POFUT3: variants seen among roughly 807,000 people sequenced by gnomAD.
POFUT3 encodes GDP-fucose protein O-fucosyltransferase 3.
chr8:33,411,107 T>C, the POFUT3 span, among the ~76,000 whole-genome samples: 7 of 152,084 alleles, frequency 4.6e-5, no homozygotes, highest in Non-Finnish European at 8.8e-5. Context: ...TCAGGAAAAA[T>C]AATGGCACCA....
At chr8:33,470,412 C>A in the POFUT3 span, among the ~76,000 whole-genome samples, 1 of 151,886 alleles carries the variant, frequency 6.6e-6, no homozygotes, top group Non-Finnish European at 1.5e-5. Context: ...AGAGCTAGAC[C>A]CTGTCTCAAA....
At chr8:33,430,525 G>A in the POFUT3 span, among the ~76,000 whole-genome samples, 1 of 152,140 alleles carries the variant, frequency 6.6e-6, no homozygotes, top group African/African-American at 2.4e-5. Flanking sequence ...CCAATCACGT[G>A]TCAAAGACTT....
At chr8:33,372,360 T>C in the POFUT3 span, 24,004 of 1,327,216 alleles carry the variant, frequency 0.018, 719 homozygotes, top group East Asian at 0.12. Context: ...CCAGTGTCCA[T>C]AAGAAATATT....
chr8:33,469,447 C>T, the POFUT3 span, among the ~76,000 whole-genome samples: 3 of 152,140 alleles, frequency 2.0e-5, no homozygotes, highest in Admixed American at 6.6e-5. Context: ...GTGGGAAAGT[C>T]ATCCTCTTCA....
At chr8:33,317,336 G>A in the POFUT3 span, among the ~76,000 whole-genome samples, 1 of 152,018 alleles carries the variant, frequency 6.6e-6, no homozygotes, top group African/African-American at 2.4e-5. Flanking sequence ...GTTATTTTTT[G>A]TTCTAAATTT....
the POFUT3 span, among the ~76,000 whole-genome samples, chr8:33,449,365 C>T: frequency 7.1e-6 from 1 of 140,860 alleles, no homozygotes; most frequent in Non-Finnish European, 1.5e-5. Context: ...TCTTGGCTCA[C>T]TGCAACTTTC....
chr8:33,347,794 T>C, the POFUT3 span, among the ~76,000 whole-genome samples: 2 of 152,196 alleles, frequency 1.3e-5, no homozygotes, highest in African/African-American at 2.4e-5. Context: ...TTACAGACGA[T>C]GCAGGATTGA....
chr8:33,359,291 T>C, the POFUT3 span, among the ~76,000 whole-genome samples: 8 of 152,182 alleles, frequency 5.3e-5, no homozygotes, highest in Non-Finnish European at 1.0e-4. Flanking sequence ...GAAAATGGGT[T>C]TTGTAAGGTG....
chr8:33,332,503 A>G, the POFUT3 span, among the ~76,000 whole-genome samples: 1,033 of 142,442 alleles, frequency 7.3e-3, 5 homozygotes, highest in Non-Finnish European at 0.011. Flanking sequence ...AAAAAAAAAG[A>G]AGAAGAAGAA....
the POFUT3 span, among the ~76,000 whole-genome samples, chr8:33,455,297 C>CAG: frequency 6.6e-6 from 1 of 152,108 alleles, no homozygotes; most frequent in Non-Finnish European, 1.5e-5. Context: ...ACATCAGTAA[C>CAG]AGTCATCTGG....
chr8:33,471,443 G>A, the POFUT3 span, among the ~76,000 whole-genome samples: 1 of 151,926 alleles, frequency 6.6e-6, no homozygotes, highest in East Asian at 1.9e-4. Flanking sequence ...GTAGAGACGG[G>A]GTTTCACCAT....
chr8:33,394,708 A>G, the POFUT3 span, among the ~76,000 whole-genome samples: 6,684 of 152,186 alleles, frequency 0.044, 309 homozygotes, highest in African/African-American at 0.11. Flanking sequence ...TAATGGGTCA[A>G]TGTGCCAATG....
At chr8:33,398,773 T>G in the POFUT3 span, among the ~76,000 whole-genome samples, 5 of 152,188 alleles carry the variant, frequency 3.3e-5, no homozygotes, top group East Asian at 9.6e-4. Flanking sequence ...TTCATAACAC[T>G]GAAGACGATC....
chr8:33,352,577 A>G, the POFUT3 span, among the ~76,000 whole-genome samples: 12 of 152,160 alleles, frequency 7.9e-5, no homozygotes, highest in African/African-American at 2.9e-4. Context: ...AGAAAGACAA[A>G]AAGTTGACTT....
the POFUT3 span, among the ~76,000 whole-genome samples, chr8:33,411,165 G>C: frequency 1.3e-5 from 2 of 152,130 alleles, no homozygotes; most frequent in Non-Finnish European, 2.9e-5. Context: ...GATTAGAATT[G>C]GTGAATGACG....
At chr8:33,436,446 G>A in the POFUT3 span, 2 of 1,440,532 alleles carry the variant, frequency 1.4e-6, no homozygotes, top group Non-Finnish European at 1.9e-6. Flanking sequence ...AGGTGGGACT[G>A]ATGTTGCCCA....
the POFUT3 span, among the ~76,000 whole-genome samples, chr8:33,433,071 C>T: frequency 6.6e-6 from 1 of 150,964 alleles, no homozygotes; most frequent in East Asian, 2.0e-4. Context: ...CCATCTCTAC[C>T]AAAAATACAA....
chr8:33,354,014 T>C, the POFUT3 span, among the ~76,000 whole-genome samples: 1 of 152,190 alleles, frequency 6.6e-6, no homozygotes, highest in African/African-American at 2.4e-5. Context: ...AGTGCATTTT[T>C]TACTCTCTTT....
the POFUT3 span, among the ~76,000 whole-genome samples, chr8:33,358,848 AG>A: frequency 2.0e-5 from 3 of 151,854 alleles, no homozygotes; most frequent in Non-Finnish European, 2.9e-5. Context: ...TAAAAAAAAA[AG>A]AGAAGGAGAC....
Sources: gnomAD v4.1 joint callset for allele counts (sites outside exome capture counted in the v4.1 genomes callset) on GRCh38, gnomAD v4.1.1 for gene constraint, MANE v1.5 for transcripts, NCBI Gene and HGNC (gene_info 2026-07-23, HGNC 2026-07-21) for gene names.